LNX1: variants seen among roughly 807,000 people sequenced by gnomAD.
LNX1 encodes ligand of numb-protein X 1.
Under a neutral mutation model 68.4 loss-of-function variants are expected in LNX1, and 54 were observed. That is an observed-to-expected ratio of 0.79 (90% CI 0.63 to 0.99). The LOEUF (loss-of-function observed/expected upper bound fraction) is 0.99, where lower values mean the gene tolerates loss of function less well. Among genes scored for constraint, LNX1 ranks in the 50% least tolerant of loss-of-function variants. LNX1 has a pLI of 0.00. For synonymous variants in LNX1, 336 were observed against 350.0 expected (o/e 0.96, Z 0.45); for missense variants, 906 against 926.4 (o/e 0.98, Z 0.29).
Position 53,496,010 on chromosome 4 carries a change from A to C in LNX1, c.1350+13T>G. 6.2e-7 allele frequency: 1 copy of C among 1,603,632 alleles called. No homozygotes were observed. Among genetic ancestry groups the C allele is most frequent in the Non-Finnish European group, 8.5e-7 (1 of 1,173,530 alleles). ...GGTTTCTGACTGGGATCCTGGAATG[A>C]CCTCTGACTCACCTGAATCAGATGA... On this transcript the variant is annotated intron_variant, in intron 6 of 10. Transcript: ENST00000263925.
intron 2 of LNX1, among the ~76,000 whole-genome samples, chr4:53,527,491 T>C (rs1301768347): frequency 6.6e-6 from 1 of 152,204 alleles, no homozygotes; most frequent in African/African-American, 2.4e-5. Flanking sequence ...GCTGACTCTG[T>C]TATTAACAAA....
At chr4:53,593,524 T>C (rs1388143035), upstream of LNX1, among the ~76,000 whole-genome samples, 1 of 152,042 alleles carries the variant, frequency 6.6e-6, no homozygotes, top group Admixed American at 6.5e-5. Context: ...AATAGAGAAA[T>C]AAGAGTTAAT....
At chr4:53,651,729 C>A (rs1735106771) in intron 1 of LNX1, among the ~76,000 whole-genome samples, 1 of 152,174 alleles carries the variant, frequency 6.6e-6, no homozygotes, top group Non-Finnish European at 1.5e-5. Flanking sequence ...TGCAATGCAA[C>A]ACCTACTCCT....
intron 4 of LNX1, among the ~76,000 whole-genome samples, chr4:53,499,540 A>G (rs571633073): frequency 6.6e-6 from 1 of 152,344 alleles, no homozygotes; most frequent in African/African-American, 2.4e-5. Context: ...TTCTCTGCAT[A>G]TATCTCTGCA....
Position 53,508,051 on chromosome 4 carries a change from G to C in LNX1, c.557C>G (p.Ser186Cys), listed in dbSNP as rs1326391242. The C allele has an allele frequency of 6.2e-7, 1 of 1,614,186 alleles. No individual in the cohort carries two copies. The highest frequency in any genetic ancestry group is 1.1e-5 in the South Asian group (1 of 91,080). ...TGCTGGCTGCCCGTCCTCTGCCGAG[G>C]ACACGTAGGCAGGGTTGTCTAGGCC... ...EPGLDNPAYV[S>C]SAEDGQPAIS... The change falls in exon 3 of 11, where the codon TCC becomes TGC. Residue 186 changes from serine (S) to cysteine (C), a missense_variant. Coordinates refer to ENST00000263925, the MANE Select transcript of LNX1 (RefSeq NM_001126328.3).
upstream of LNX1, among the ~76,000 whole-genome samples, chr4:53,596,275 G>A (rs1384185926): frequency 3.3e-5 from 5 of 152,188 alleles, no homozygotes; most frequent in Non-Finnish European, 5.9e-5. Flanking sequence ...CTGGTTTGCA[G>A]ATGAGTTTCT....
At chr4:53,534,260 C>A (rs1045091412) in intron 2 of LNX1, among the ~76,000 whole-genome samples, 2 of 152,104 alleles carry the variant, frequency 1.3e-5, no homozygotes, top group African/African-American at 4.8e-5. Flanking sequence ...CTTAAAGGGT[C>A]TCTGTGAATC....
intron 1 of LNX1, among the ~76,000 whole-genome samples, chr4:53,584,231 T>C (rs1478559082): frequency 1.3e-5 from 2 of 152,218 alleles, no homozygotes; most frequent in African/African-American, 4.8e-5. Context: ...ATTTGAATTC[T>C]CAACATTTTC....
At chr4:53,514,576 C>T (rs1481976580) in intron 2 of LNX1, among the ~76,000 whole-genome samples, 3 of 152,190 alleles carry the variant, frequency 2.0e-5, no homozygotes, top group Non-Finnish European at 4.4e-5. Flanking sequence ...GGAACTGCCC[C>T]CATGATTCAT....
At chr4:53,516,708 A>G (rs891854911) in intron 2 of LNX1, among the ~76,000 whole-genome samples, 6 of 152,210 alleles carry the variant, frequency 3.9e-5, no homozygotes, top group African/African-American at 1.4e-4. Context: ...AGTGAGATCC[A>G]AGAGGAGCAA....
chr4:53,620,117 A>C (rs1189601698), upstream of LNX1, among the ~76,000 whole-genome samples: 1 of 152,196 alleles, frequency 6.6e-6, no homozygotes, highest in African/African-American at 2.4e-5. Context: ...AAGTGAGGTG[A>C]GTTCCTTTAC....
intron 2 of LNX1, among the ~76,000 whole-genome samples, chr4:53,563,041 C>T (rs896982024): frequency 7.9e-5 from 12 of 152,080 alleles, no homozygotes; most frequent in Non-Finnish European, 5.9e-5. Context: ...CCTGTCTCTA[C>T]TTAAAATACA....
chr4:53,510,841 A>G (rs1726277394), intron 2 of LNX1, among the ~76,000 whole-genome samples: 1 of 152,216 alleles, frequency 6.6e-6, no homozygotes, highest in African/African-American at 2.4e-5. Context: ...TGGCTGGCAA[A>G]GGTACAAGCC....
chr4:53,559,435 G>A (rs1730128146), intron 2 of LNX1, among the ~76,000 whole-genome samples: 1 of 152,142 alleles, frequency 6.6e-6, no homozygotes, highest in Non-Finnish European at 1.5e-5. Flanking sequence ...TAGGTGCTGG[G>A]GTTAGAGAAG....
chr4:53,644,820 G>T (rs1243990193), intron 1 of LNX1, among the ~76,000 whole-genome samples: 1 of 152,200 alleles, frequency 6.6e-6, no homozygotes, highest in Non-Finnish European at 1.5e-5. Context: ...GAACCAGTTT[G>T]GTGAGGTTGG....
At chr4:53,620,458 A>T (rs903473077), upstream of LNX1, among the ~76,000 whole-genome samples, 4 of 152,208 alleles carry the variant, frequency 2.6e-5, no homozygotes, top group African/African-American at 9.6e-5. Flanking sequence ...AATCTAGAGC[A>T]AACATATAAT....
At chr4:53,495,259 C>T (rs1161355397) in intron 6 of LNX1, among the ~76,000 whole-genome samples, 1 of 151,974 alleles carries the variant, frequency 6.6e-6, no homozygotes, top group Non-Finnish European at 1.5e-5. Flanking sequence ...TGATAATTAT[C>T]TTAAAATAAA....
At chr4:53,472,687 A>AAC (rs1723298153) in intron 9 of LNX1, among the ~76,000 whole-genome samples, 1 of 123,430 alleles carries the variant, frequency 8.1e-6, no homozygotes, top group Non-Finnish European at 1.7e-5. Context: ...AACAACAACA[A>AAC]AAAAAAAAAA....
chr4:53,479,653 TC>T (rs1723792579), intron 7 of LNX1, among the ~76,000 whole-genome samples: 2 of 152,144 alleles, frequency 1.3e-5, no homozygotes, highest in Admixed American at 6.6e-5. Flanking sequence ...CTATCTTTTT[TC>T]GCCATTCTCC....
Sources: allele counts gnomAD v4.1 joint callset (sites outside exome capture counted in the v4.1 genomes callset), GRCh38; gene constraint gnomAD v4.1.1; transcripts MANE v1.5; gene names NCBI Gene and HGNC (gene_info 2026-07-23, HGNC 2026-07-21).